DACT1: variants seen among roughly 807,000 people sequenced by gnomAD.
DACT1 encodes dishevelled binding antagonist of beta catenin 1.
Under a neutral mutation model 35.3 loss-of-function variants are expected in DACT1, and 19 were observed. That is an observed-to-expected ratio of 0.54 (90% CI 0.38 to 0.79). The LOEUF (loss-of-function observed/expected upper bound fraction) is 0.79. Among genes scored for constraint, DACT1 ranks in the 30% least tolerant of loss-of-function variants. DACT1 has a pLI of 0.00. For missense variants in DACT1, 1,143 were observed against 1,057.5 expected (o/e 1.08, Z -1.12); for synonymous variants, 545 against 466.7 (o/e 1.17, Z -2.16).
chr14:58,641,748 G>A lies in DACT1; in HGVS notation c.634+1G>A. 6.2e-7 allele frequency: 1 copy of A among 1,612,140 alleles called. No individual in the cohort carries two copies. Among genetic ancestry groups the A allele is most frequent in the Non-Finnish European group, 8.5e-7 (1 of 1,179,562 alleles). Reference sequence around the variant, plus strand: ...TCAGATGGTTGCCCCAAATCTGCAGGTAAGAATTTTTAGCACTGATAGAAA... The same window carrying A: ...TCAGATGGTTGCCCCAAATCTGCAGATAAGAATTTTTAGCACTGATAGAAA... On this transcript the variant is annotated splice_donor_variant, in intron 3 of 3. Coordinates refer to ENST00000395153, the MANE Select transcript of DACT1 (RefSeq NM_001079520.2). LOFTEE classifies it high-confidence loss of function.
chr14:58,642,166 G>A (rs2047632994), intron 3 of DACT1, among the ~76,000 whole-genome samples: 1 of 152,192 alleles, frequency 6.6e-6, no homozygotes, highest in Non-Finnish European at 1.5e-5. Context: ...TTAGGCAGCT[G>A]GATCACCTGA....
At position 58,643,376 on chromosome 14, in the gene DACT1, T is replaced by C. The variant is rs531578930; in HGVS notation, c.634+1629T>C. Among the ~76,000 whole-genome samples, 167 of 152,368 alleles carry C rather than the reference T, an allele frequency of 1.1e-3. 2 individuals carry two copies. Among genetic ancestry groups the C allele is most frequent in the African/African-American group, 3.9e-3 (162 of 41,598 alleles). ...TCCTGGGCACAAGTCATCACACTCC[T>C]GGTTTGTCTGTGTTCTCCACTTGGG... is the stretch of plus-strand genomic sequence containing the variant. On this transcript the variant is annotated intron_variant, in intron 3 of 3. Transcript: ENST00000395153.
Position 58,645,368 on chromosome 14 carries a change from G to A in DACT1, c.635-1G>A, listed in dbSNP as rs1238772239. On this transcript the variant is annotated splice_acceptor_variant, in intron 3 of 3. Coordinates refer to ENST00000395153, the MANE Select transcript of DACT1 (RefSeq NM_001079520.2). LOFTEE classifies it high-confidence loss of function. ...ATTTAATTCCCTTGATGTCATTGCA[G>A]ATGTGAATCCCAAGTACCAGTGTGA... The A allele has an allele frequency of 6.2e-7, 1 of 1,614,214 alleles. No individual in the cohort carries two copies.
Position 58,638,178 on chromosome 14 carries a change from G to T in DACT1, c.-25G>T. 1 of 1,283,816 alleles carries T rather than the reference G, an allele frequency of 7.8e-7. No homozygotes were observed. The highest frequency in any genetic ancestry group is 2.3e-5 in the South Asian group (1 of 42,906). 79.5% of individuals were successfully genotyped at this position (1,283,816 alleles called of 1,614,324 possible). On this transcript the variant is annotated 5_prime_UTR_variant, in exon 1 of 4. Transcript: ENST00000395153. ...GCCTGGGCGGCCCGGCTGCGGTGACGGCTCTCGCTGCCCGACTGGGGGCCA... is the reference window on the plus strand; with the variant it reads ...GCCTGGGCGGCCCGGCTGCGGTGACTGCTCTCGCTGCCCGACTGGGGGCCA...
At chr14:58,637,201 GTAA>G (rs1010875825), upstream of DACT1, among the ~76,000 whole-genome samples, 14 of 152,216 alleles carry the variant, frequency 9.2e-5, no homozygotes, top group Non-Finnish European at 1.6e-4. Context: ...CGCAGACTAA[GTAA>G]TAATAAAAGC....
Position 58,646,768 on chromosome 14 carries a change from C to G in DACT1, c.2034C>G (p.Ser678Arg). The G allele has an allele frequency of 4.3e-6, 7 of 1,614,112 alleles. No individual in the cohort carries two copies. The highest frequency in any genetic ancestry group is 5.9e-6 in the Non-Finnish European group (7 of 1,180,034). ...YPAPVPLPYA[S>R]PYAYVASDSE... ...CGCCTGTGCCTCTGCCCTACGCCAG[C>G]CCCTACGCCTACGTGGCTAGCGACT... Residue 678 changes from serine (S) to arginine (R), a missense_variant, in exon 4 of 4, where the codon AGC (serine) becomes AGG (arginine). This residue lies in a region of DACT1 where 1,054 missense variants were observed against 958.8 expected (regional missense o/e 1.10). Transcript: ENST00000395153.
In DACT1 at chr14:58,646,406, G is replaced by C; in HGVS notation, c.1672G>C (p.Glu558Gln). The C allele has an allele frequency of 6.2e-7, 1 of 1,601,904 alleles. No individual in the cohort carries two copies. The highest frequency in any genetic ancestry group is 2.2e-5 in the East Asian group (1 of 44,734). The change falls in exon 4 of 4, where the codon GAG (glutamate) becomes CAG (glutamine). Residue 558 changes from glutamate to glutamine, a missense_variant. Glu to Gln is a conservative substitution (Grantham distance 29). Coordinates refer to ENST00000395153, the MANE Select transcript of DACT1 (RefSeq NM_001079520.2). ...CCGCGGCCCAGCCCTCCAGGGGCTG[G>C]AGAACGGCTTGCCCACCGTCAGGGA... ...KHRGPALQGLENGLPTVREKT... is the reference protein window; with the variant it reads ...KHRGPALQGLQNGLPTVREKT...
chr14:58,641,825 C>T, intron 3 of DACT1, 78 bp downstream of exon 3: 2 of 1,390,092 alleles, frequency 1.4e-6, no homozygotes, highest in Non-Finnish European at 2.0e-6. Flanking sequence ...GGCTCCAGCA[C>T]CTTTCACTGG....
intron 3 of DACT1, among the ~76,000 whole-genome samples, chr14:58,643,256 G>T (rs2140216057): frequency 1.3e-5 from 2 of 152,258 alleles, no homozygotes; most frequent in Middle Eastern, 3.4e-3. Flanking sequence ...TGAATGGCAG[G>T]GTTGCTGCTG....
chr14:58,645,247 C>T (rs1204349255), intron 3 of DACT1, 122 bp from the exon 4 acceptor site: 4 of 1,607,366 alleles, frequency 2.5e-6, no homozygotes, highest in Non-Finnish European at 3.4e-6. Flanking sequence ...GTACCTTTAA[C>T]TGTTTTTCAG....
chr14:58,638,059 G>C lies in DACT1; in HGVS notation c.-144G>C. On this transcript the variant is annotated 5_prime_UTR_variant, in exon 1 of 4. Coordinates refer to ENST00000395153, the MANE Select transcript of DACT1 (RefSeq NM_001079520.2). ...CAGCCGGCGGTCGCGCGCAGGACTCGAGGGCTTCTAGCCACCGTCCCCGCC... is the reference window on the plus strand; with the variant it reads ...CAGCCGGCGGTCGCGCGCAGGACTCCAGGGCTTCTAGCCACCGTCCCCGCC... The C allele has an allele frequency of 1.9e-5, 17 of 887,090 alleles. No individual in the cohort carries two copies. The highest frequency in any genetic ancestry group is 2.5e-5 in the Non-Finnish European group (17 of 687,432). The allele number at this position is 887,090 out of a possible 1,614,324, so 55.0% of individuals were successfully genotyped here.
chr14:58,644,027 C>T (rs2047650977), intron 3 of DACT1, among the ~76,000 whole-genome samples: 1 of 152,148 alleles, frequency 6.6e-6, no homozygotes, highest in South Asian at 2.1e-4. Context: ...GAATCAGGCA[C>T]ATATAGGTTC....
chr14:58,638,254 GC>G lies in DACT1; in HGVS notation c.55del (p.Arg19GlufsTer93). ...GAAGGAGCTGGAGCCTCCGGCGCCG[GC>G]CCGAGGCGAGCAGCGCACGGCGGAG... ...TAKELEPPAP[A>X]RGEQRTAEPE... is the part of the protein sequence containing the mutation. On this transcript the variant is annotated frameshift_variant, in exon 1 of 4. Transcript: ENST00000395153. LOFTEE classifies it high-confidence loss of function. 1 of 1,367,678 alleles carries G rather than the reference GC, an allele frequency of 7.3e-7. No individual in the cohort carries two copies. The highest frequency in any genetic ancestry group is 9.4e-7 in the Non-Finnish European group (1 of 1,060,976). 84.7% of individuals were successfully genotyped at this position (1,367,678 alleles called of 1,614,324 possible).
chr14:58,635,451 G>C (rs1176926764), upstream of DACT1, among the ~76,000 whole-genome samples: 5 of 152,206 alleles, frequency 3.3e-5, no homozygotes, highest in Admixed American at 6.5e-5. Context: ...TTGACAGCCT[G>C]AGTTTGTTTT....
intron 1 of DACT1, chr14:58,638,816 C>T (rs999147567): frequency 2.7e-5 from 31 of 1,160,634 alleles, no homozygotes; most frequent in Admixed American, 4.7e-5. Context: ...CTTCCCTCCT[C>T]CTCTGCCTTC....
In DACT1 at chr14:58,638,113, G is replaced by A; in HGVS notation, c.-90G>A. On this transcript the variant is annotated 5_prime_UTR_variant, in exon 1 of 4. It removes an upstream start codon present in the reference 5' UTR. Coordinates refer to ENST00000395153, the MANE Select transcript of DACT1 (RefSeq NM_001079520.2). ...GCCGCGCCCCGCCACAGGGCGGCAT[G>A]AGCCCACCCGCGGCCGCAGCCCTAG... The A allele has an allele frequency of 8.3e-7, 1 of 1,201,296 alleles. No individual in the cohort carries two copies. Among genetic ancestry groups the A allele is most frequent in the South Asian group, 3.8e-5 (1 of 26,476 alleles). 74.4% of individuals were successfully genotyped at this position (1,201,296 alleles called of 1,614,324 possible). A position where few individuals can be genotyped will look rare whatever the true frequency, so the allele number is the denominator to read the frequency against.
At chr14:58,640,687 CTTTT>C (rs1566507025) in intron 1 of DACT1, 45 bp from the exon 2 acceptor site, 6 of 1,605,534 alleles carry the variant, frequency 3.7e-6, no homozygotes, top group Non-Finnish European at 8.5e-7. Flanking sequence ...CTTTCTGGTT[CTTTT>C]GTCACCCCTG....
At position 58,638,153 on chromosome 14, in the gene DACT1, G is replaced by T; in HGVS notation, c.-50G>T. The T allele has an allele frequency of 1.6e-6, 2 of 1,261,098 alleles. No homozygotes were observed. The highest frequency in any genetic ancestry group is 3.3e-5 in the East Asian group (1 of 30,260). The allele number at this position is 1,261,098 out of a possible 1,614,324, so 78.1% of individuals were successfully genotyped here. The stretch of plus-strand genomic sequence containing the variant: ...CGCAGCCCTAGCGCCCTGCTCCTCC[G>T]CCTGGGCGGCCCGGCTGCGGTGACG... On this transcript the variant is annotated 5_prime_UTR_variant, in exon 1 of 4. Transcript: ENST00000395153.
In DACT1 at chr14:58,648,030, A is replaced by T. The variant is rs1247730679; in HGVS notation, c.*896A>T. ...TGACCTGAACATATTAGTGCAATCC[A>T]GTCCAGATTGGACCTTTGATCCTAT... is the stretch of plus-strand genomic sequence containing the variant. On this transcript the variant is annotated 3_prime_UTR_variant, in exon 4 of 4. Transcript: ENST00000395153. 6.0e-6 allele frequency: 1 copy of T among 167,130 alleles called. No individual in the cohort carries two copies. Among genetic ancestry groups the T allele is most frequent in the East Asian group, 1.9e-4 (1 of 5,204 alleles). 10.4% of individuals were successfully genotyped at this position (167,130 alleles called of 1,614,324 possible).
Sources: gnomAD v4.1 joint callset for allele counts (sites outside exome capture counted in the v4.1 genomes callset) on GRCh38, gnomAD v4.1.1 for gene constraint, gnomAD v4.1.1 regional missense constraint, MANE v1.5 for transcripts, NCBI Gene and HGNC (gene_info 2026-07-23, HGNC 2026-07-21) for gene names.